Variants in HYCC2 observed in about 807,000 individuals in gnomAD.
The protein encoded by HYCC2 is hyccin 2.
the HYCC2 span, among the ~76,000 whole-genome samples, chr2:201,064,354 T>C: frequency 6.6e-6 from 1 of 152,202 alleles, no homozygotes; most frequent in Non-Finnish European, 1.5e-5. Flanking sequence ...TGTAATAGTC[T>C]GATCGTGACG....
the HYCC2 span, among the ~76,000 whole-genome samples, chr2:200,989,849 A>T: frequency 1.3e-5 from 2 of 152,180 alleles, no homozygotes; most frequent in Non-Finnish European, 2.9e-5. Context: ...CAATAAAATA[A>T]AAAGCTGTAT....
chr2:201,014,076 G>A, the HYCC2 span, among the ~76,000 whole-genome samples: 116 of 152,268 alleles, frequency 7.6e-4, no homozygotes, highest in African/African-American at 2.6e-3. Context: ...TTTTTCTATA[G>A]TATACTAATT....
At chr2:201,064,309 T>C in the HYCC2 span, among the ~76,000 whole-genome samples, 7 of 139,912 alleles carry the variant, frequency 5.0e-5, no homozygotes, top group African/African-American at 2.1e-4. Flanking sequence ...TTAATGTAGA[T>C]TTTTTTTTTT....
chr2:201,037,722 A>C, the HYCC2 span, among the ~76,000 whole-genome samples: 11 of 152,224 alleles, frequency 7.2e-5, no homozygotes, highest in Non-Finnish European at 1.5e-4. Flanking sequence ...CCTTCCTTAT[A>C]CCTTATACAA....
At chr2:200,986,288 G>A in the HYCC2 span, among the ~76,000 whole-genome samples, 1 of 152,202 alleles carries the variant, frequency 6.6e-6, no homozygotes, top group Non-Finnish European at 1.5e-5. Flanking sequence ...TACTGAGCAT[G>A]CTCAAATTTC....
At chr2:201,044,623 A>C in the HYCC2 span, among the ~76,000 whole-genome samples, 1 of 152,206 alleles carries the variant, frequency 6.6e-6, no homozygotes, top group Non-Finnish European at 1.5e-5. Flanking sequence ...ACAAAGGTTT[A>C]TTTTTAAAGA....
chr2:201,048,774 A>G, the HYCC2 span, among the ~76,000 whole-genome samples: 1 of 152,164 alleles, frequency 6.6e-6, no homozygotes, highest in Non-Finnish European at 1.5e-5. Context: ...ATATTAATGA[A>G]GGGATCAATC....
chr2:201,045,093 C>A, the HYCC2 span, among the ~76,000 whole-genome samples: 1 of 152,164 alleles, frequency 6.6e-6, no homozygotes, highest in African/African-American at 2.4e-5. Context: ...AGTATAATTA[C>A]CAAATTTCCT....
the HYCC2 span, chr2:201,016,877 A>C: frequency 9.7e-7 from 1 of 1,028,580 alleles, no homozygotes; most frequent in Non-Finnish European, 1.4e-6. Flanking sequence ...CTGGGATTAC[A>C]GGCATGAGCC....
chr2:201,005,752 AG>A, the HYCC2 span, among the ~76,000 whole-genome samples: 4 of 152,324 alleles, frequency 2.6e-5, no homozygotes, highest in Non-Finnish European at 5.9e-5. Flanking sequence ...CCTCTCTCCA[AG>A]GTAGAAAAGT....
chr2:201,069,131 T>G, the HYCC2 span, among the ~76,000 whole-genome samples: 13 of 152,320 alleles, frequency 8.5e-5, no homozygotes, highest in African/African-American at 3.1e-4. Context: ...TCAGTCAAGC[T>G]GAAAATTTCA....
chr2:201,056,864 A>G, the HYCC2 span, among the ~76,000 whole-genome samples: 1 of 152,130 alleles, frequency 6.6e-6, no homozygotes, highest in South Asian at 2.1e-4. Flanking sequence ...TAACCTTGGC[A>G]CTATTGGCAT....
the HYCC2 span, among the ~76,000 whole-genome samples, chr2:201,001,854 T>C: frequency 1.3e-5 from 2 of 151,974 alleles, no homozygotes; most frequent in South Asian, 4.1e-4. Flanking sequence ...GTATTTTTAG[T>C]AGAGACAGGG....
At chr2:201,032,420 CAGG>C in the HYCC2 span, among the ~76,000 whole-genome samples, 1 of 152,114 alleles carries the variant, frequency 6.6e-6, no homozygotes, top group South Asian at 2.1e-4. Flanking sequence ...ATCCTATCCT[CAGG>C]AGAATTTATA....
chr2:201,064,548 G>A, the HYCC2 span, among the ~76,000 whole-genome samples: 6 of 152,196 alleles, frequency 3.9e-5, no homozygotes, highest in Admixed American at 1.3e-4. Flanking sequence ...TGGTGTAGTT[G>A]AACTGATAGT....
chr2:201,054,167 T>A, the HYCC2 span, among the ~76,000 whole-genome samples: 1 of 152,202 alleles, frequency 6.6e-6, no homozygotes, highest in Non-Finnish European at 1.5e-5. Context: ...TAAAATCTCA[T>A]TAGGGGCTAA....
chr2:201,025,404 G>A, the HYCC2 span, among the ~76,000 whole-genome samples: 1 of 151,398 alleles, frequency 6.6e-6, no homozygotes, highest in Non-Finnish European at 1.5e-5. Context: ...ATATAGTGGA[G>A]GAGACCAAAC....
At chr2:200,987,294 T>G in the HYCC2 span, 1 of 1,215,802 alleles carries the variant, frequency 8.2e-7, no homozygotes, top group Non-Finnish European at 1.1e-6. Flanking sequence ...ATGCTCTGCT[T>G]GGGGATAGAG....
At chr2:201,038,444 G>A in the HYCC2 span, among the ~76,000 whole-genome samples, 2 of 152,124 alleles carry the variant, frequency 1.3e-5, no homozygotes, top group African/African-American at 4.8e-5. Flanking sequence ...ACATTCACAT[G>A]TATGTTTACT....
Sources: gnomAD v4.1 joint callset for allele counts (sites outside exome capture counted in the v4.1 genomes callset) on GRCh38, gnomAD v4.1.1 for gene constraint, MANE v1.5 for transcripts, NCBI Gene and HGNC (gene_info 2026-07-23, HGNC 2026-07-21) for gene names.